Variants in EYS observed in about 807,000 individuals in gnomAD.
EYS encodes protein eyes shut homolog.
EYS carries 250 observed loss-of-function variants against 282.1 expected under a neutral mutation model. The observed-to-expected ratio is 0.89, with a 90% CI of 0.80 to 0.98. The LOEUF is 0.98. Among genes scored for constraint, EYS ranks in the 50% least tolerant of loss-of-function variants. The probability of loss-of-function intolerance (pLI) is 0.00; values close to 1 mark genes in which losing one functional copy is unlikely to be tolerated. For synonymous variants in EYS, 1,355 were observed against 1,282.9 expected, an observed-to-expected ratio of 1.06 and a Z score of -1.20; for missense variants, 4,016 against 3,709.0, an observed-to-expected ratio of 1.08 and a Z score of -2.15.
chr6:64,210,699 T>A (rs1765738379), intron 31 of EYS, among the ~76,000 whole-genome samples: 1 of 152,176 alleles, frequency 6.6e-6, no homozygotes, highest in Non-Finnish European at 1.5e-5. Flanking sequence ...GGCGTCAATT[T>A]GACTAGATTA....
intron 2 of EYS, among the ~76,000 whole-genome samples, chr6:65,586,941 T>C (rs1054302402): frequency 1.3e-5 from 2 of 152,082 alleles, no homozygotes; most frequent in Non-Finnish European, 2.9e-5. Flanking sequence ...CTTTTAAAAT[T>C]CAAGTTATGG....
At chr6:64,139,234 T>C (rs1179684797) in intron 31 of EYS, among the ~76,000 whole-genome samples, 1 of 152,156 alleles carries the variant, frequency 6.6e-6, no homozygotes, top group Non-Finnish European at 1.5e-5. Context: ...CCTGAATTCA[T>C]GTTCACCCAA....
intron 22 of EYS, among the ~76,000 whole-genome samples, chr6:64,693,621 C>T (rs994705670): frequency 6.6e-6 from 1 of 152,006 alleles, no homozygotes; most frequent in Non-Finnish European, 1.5e-5. Flanking sequence ...ATCCTCACAT[C>T]ATAGGTAAAA....
intron 37 of EYS, among the ~76,000 whole-genome samples, chr6:63,805,778 GA>G (rs1173972895): frequency 6.6e-6 from 1 of 152,112 alleles, no homozygotes; most frequent in East Asian, 1.9e-4. Context: ...TTTATAAGGA[GA>G]AATTCTCCCC....
At chr6:64,772,649 C>T (rs1276864140) in intron 22 of EYS, among the ~76,000 whole-genome samples, 1 of 151,784 alleles carries the variant, frequency 6.6e-6, no homozygotes, top group Non-Finnish European at 1.5e-5. Flanking sequence ...TCCCTACGTA[C>T]TCTGCCTCCT....
At position 64,193,141 on chromosome 6, in the gene EYS, T is replaced by G. The variant is rs372459258; in HGVS notation, c.6424+37451A>C. On this transcript the variant is annotated intron_variant, in intron 31 of 42. Transcript: ENST00000503581. Reference sequence around the variant, plus strand: ...CTTCCATATAAATTTTAGAATCAGCTTGTCACATTTTACAAAATAAAATTG... The same window carrying G: ...CTTCCATATAAATTTTAGAATCAGCGTGTCACATTTTACAAAATAAAATTG... Among the ~76,000 whole-genome samples the G allele has an allele frequency of 9.4e-4, 143 of 152,316 alleles. 2 individuals carry two copies. The South Asian group carries it at 0.028, about 30-fold the overall frequency.
intron 22 of EYS, among the ~76,000 whole-genome samples, chr6:64,770,822 CTG>C (rs1773502770): frequency 1.3e-5 from 2 of 151,874 alleles, no homozygotes; most frequent in African/African-American, 4.8e-5. Context: ...ATATTGAAGT[CTG>C]TGACATTAGA....
chr6:64,312,582 C>G (rs1032943845), intron 29 of EYS, among the ~76,000 whole-genome samples: 10 of 152,326 alleles, frequency 6.6e-5, no homozygotes, highest in Middle Eastern at 3.4e-3. Context: ...TGTATCCTGA[C>G]TAGGAGACAT....
intron 30 of EYS, among the ~76,000 whole-genome samples, chr6:64,297,014 G>C (rs1769053997): frequency 6.6e-6 from 1 of 152,164 alleles, no homozygotes; most frequent in Non-Finnish European, 1.5e-5. Context: ...GTCAGTTTCA[G>C]CTCTTAAAAC....
chr6:64,871,348 T>C (rs1171784563), intron 19 of EYS, among the ~76,000 whole-genome samples: 1 of 151,764 alleles, frequency 6.6e-6, no homozygotes, highest in Non-Finnish European at 1.5e-5. Flanking sequence ...AATCTTGTTT[T>C]GGTCACAGAG....
chr6:64,395,161 G>A (rs1773316388), intron 28 of EYS, among the ~76,000 whole-genome samples: 1 of 152,016 alleles, frequency 6.6e-6, no homozygotes, highest in African/African-American at 2.4e-5. Flanking sequence ...TAGAGAAATA[G>A]GAACACTTTT....
intron 12 of EYS, among the ~76,000 whole-genome samples, chr6:65,224,741 A>C (rs1184223691): frequency 6.6e-6 from 1 of 152,158 alleles, no homozygotes; most frequent in Non-Finnish European, 1.5e-5. Flanking sequence ...ATTTTAACAG[A>C]AATAAAAGGA....
intron 14 of EYS, among the ~76,000 whole-genome samples, chr6:64,972,186 C>T (rs774521896): frequency 5.9e-5 from 9 of 152,074 alleles, no homozygotes; most frequent in Non-Finnish European, 7.4e-5. Flanking sequence ...ATAGAAAAAG[C>T]ATTGCCAGAA....
chr6:64,154,392 A>T (rs988491531), intron 31 of EYS, among the ~76,000 whole-genome samples: 3 of 147,548 alleles, frequency 2.0e-5, no homozygotes, highest in African/African-American at 7.6e-5. Flanking sequence ...GTGAGCCGAG[A>T]TCACACCATT....
intron 2 of EYS, among the ~76,000 whole-genome samples, chr6:65,604,176 G>A (rs1765704376): frequency 1.3e-5 from 2 of 151,882 alleles, no homozygotes. Flanking sequence ...TAATACTCAT[G>A]AACAATGTGT....
At chr6:65,025,201 A>G (rs1772369871) in intron 13 of EYS, among the ~76,000 whole-genome samples, 1 of 152,220 alleles carries the variant, frequency 6.6e-6, no homozygotes, top group African/African-American at 2.4e-5. Flanking sequence ...TTGATAAACC[A>G]TACTTAGCTA....
At chr6:64,149,589 G>A (rs897341834) in intron 31 of EYS, among the ~76,000 whole-genome samples, 13 of 152,170 alleles carry the variant, frequency 8.5e-5, no homozygotes, top group African/African-American at 2.7e-4. Flanking sequence ...GGACTAACAC[G>A]TGATAGACAC....
rs372915243 is a variant in EYS, at chr6:64,283,895, G to T, written c.6191+23075C>A. Among the ~76,000 whole-genome samples the T allele has an allele frequency of 6.6e-5, 10 of 152,064 alleles. No homozygotes were observed. The East Asian group carries it at 1.9e-3, about 29-fold the overall frequency. Reference sequence around the variant, plus strand: ...TATTCACTACCACAAGAACAGCATGGGGGGAACCGCCTCCACGATTCAAAT... The same window carrying T: ...TATTCACTACCACAAGAACAGCATGTGGGGAACCGCCTCCACGATTCAAAT... On this transcript the variant is annotated intron_variant, in intron 30 of 42. Transcript: ENST00000503581.
At chr6:64,741,685 C>T (rs1011555241) in intron 22 of EYS, among the ~76,000 whole-genome samples, 52 of 152,208 alleles carry the variant, frequency 3.4e-4, no homozygotes, top group African/African-American at 1.2e-3. Flanking sequence ...TGCTCCTTCA[C>T]CTTGTACTTT....
Sources: allele counts gnomAD v4.1 joint callset (sites outside exome capture counted in the v4.1 genomes callset), GRCh38; gene constraint gnomAD v4.1.1; transcripts MANE v1.5; gene names NCBI Gene and HGNC (gene_info 2026-07-23, HGNC 2026-07-21).